CIMAP3: variants seen among roughly 807,000 people sequenced by gnomAD.
CIMAP3 encodes the protein ciliary microtubule-associated protein 3.
the CIMAP3 span, among the ~76,000 whole-genome samples, chr1:111,342,435 CA>C: frequency 6.6e-6 from 1 of 152,146 alleles, no homozygotes; most frequent in African/African-American, 2.4e-5. Context: ...GCCTTGGAGC[CA>C]AAAGTGGAAC....
the CIMAP3 span, among the ~76,000 whole-genome samples, chr1:111,327,967 T>A: frequency 6.6e-6 from 1 of 152,312 alleles, no homozygotes; most frequent in African/African-American, 2.4e-5. Context: ...CTTTCTAATG[T>A]TCTGATGTGG....
At chr1:111,339,718 C>G in the CIMAP3 span, among the ~76,000 whole-genome samples, 2 of 151,596 alleles carry the variant, frequency 1.3e-5, no homozygotes, top group Non-Finnish European at 2.9e-5. Flanking sequence ...ATACAAACAA[C>G]TGGAAGAACA....
At chr1:111,336,789 G>C in the CIMAP3 span, among the ~76,000 whole-genome samples, 2 of 152,170 alleles carry the variant, frequency 1.3e-5, no homozygotes, top group Non-Finnish European at 2.9e-5. Context: ...TATTATCCAG[G>C]AGAACTTCCC....
At chr1:111,348,885 T>G in the CIMAP3 span, 7 of 342,462 alleles carry the variant, frequency 2.0e-5, no homozygotes, top group Non-Finnish European at 3.2e-5. Flanking sequence ...GTTCGATAGA[T>G]TTTTGCACTA....
the CIMAP3 span, among the ~76,000 whole-genome samples, chr1:111,340,755 G>A: frequency 2.0e-5 from 3 of 152,154 alleles, no homozygotes; most frequent in African/African-American, 7.2e-5. Context: ...TTACACTGTT[G>A]GTGGGACTGT....
chr1:111,341,525 T>C, the CIMAP3 span, among the ~76,000 whole-genome samples: 1 of 152,180 alleles, frequency 6.6e-6, no homozygotes. Context: ...GTGGCCTGTG[T>C]GAACTTCGCA....
At chr1:111,333,826 A>G in the CIMAP3 span, among the ~76,000 whole-genome samples, 1 of 152,224 alleles carries the variant, frequency 6.6e-6, no homozygotes, top group African/African-American at 2.4e-5. Flanking sequence ...GGGGAGTGTC[A>G]GAAATAAATG....
At chr1:111,351,383 G>T in the CIMAP3 span, 1 of 1,381,674 alleles carries the variant, frequency 7.2e-7, no homozygotes, top group Non-Finnish European at 9.8e-7. Context: ...CAGGACTGAG[G>T]ACAGAGCTGC....
chr1:111,331,930 G>A, the CIMAP3 span, among the ~76,000 whole-genome samples: 1,220 of 152,302 alleles, frequency 8.0e-3, 16 homozygotes, highest in African/African-American at 0.027. Flanking sequence ...TCTAGGTGGA[G>A]TAGTAGTGTG....
At chr1:111,328,338 G>C in the CIMAP3 span, among the ~76,000 whole-genome samples, 1 of 152,300 alleles carries the variant, frequency 6.6e-6, no homozygotes, top group Non-Finnish European at 1.5e-5. Flanking sequence ...TTTTTAGATA[G>C]AGAGTTCTGT....
At chr1:111,347,153 C>A in the CIMAP3 span, 14 of 1,305,916 alleles carry the variant, frequency 1.1e-5, no homozygotes, top group East Asian at 3.4e-4. Flanking sequence ...GACTTGAGAT[C>A]TCCAGAGTCC....
At chr1:111,337,377 G>T in the CIMAP3 span, among the ~76,000 whole-genome samples, 6 of 152,070 alleles carry the variant, frequency 3.9e-5, no homozygotes, top group African/African-American at 1.2e-4. Context: ...TGGACTAAAT[G>T]CTCCAATTAA....
chr1:111,335,231 G>A, the CIMAP3 span, among the ~76,000 whole-genome samples: 2 of 150,840 alleles, frequency 1.3e-5, no homozygotes, highest in African/African-American at 2.4e-5. Flanking sequence ...CAAGATGGCC[G>A]AATAGAAACA....
At chr1:111,326,127 G>T in the CIMAP3 span, among the ~76,000 whole-genome samples, 26 of 152,106 alleles carry the variant, frequency 1.7e-4, no homozygotes, top group Non-Finnish European at 3.4e-4. Flanking sequence ...CCAGTACTTT[G>T]AGTATTTGTC....
the CIMAP3 span, among the ~76,000 whole-genome samples, chr1:111,341,208 G>C: frequency 1.3e-5 from 2 of 150,284 alleles, no homozygotes; most frequent in Admixed American, 1.3e-4. Context: ...GGACTGTTGT[G>C]GGGTGGGGGG....
chr1:111,337,840 G>A, the CIMAP3 span, among the ~76,000 whole-genome samples: 2 of 151,956 alleles, frequency 1.3e-5, no homozygotes, highest in Non-Finnish European at 2.9e-5. Context: ...TCTGCACCAA[G>A]CTGACCTAAT....
chr1:111,331,481 G>T, the CIMAP3 span, among the ~76,000 whole-genome samples: 1 of 151,988 alleles, frequency 6.6e-6, no homozygotes, highest in African/African-American at 2.4e-5. Context: ...CCAGTCTGTT[G>T]TTGAATCTCT....
the CIMAP3 span, among the ~76,000 whole-genome samples, chr1:111,337,604 G>A: frequency 7.9e-5 from 12 of 152,182 alleles, no homozygotes; most frequent in South Asian, 2.1e-4. Context: ...AAAGAAGGCC[G>A]TTACATAATG....
At chr1:111,327,376 G>A in the CIMAP3 span, among the ~76,000 whole-genome samples, 2 of 152,108 alleles carry the variant, frequency 1.3e-5, no homozygotes, top group African/African-American at 4.8e-5. Flanking sequence ...CATAGAATGG[G>A]TTGGGGAGGA....
Sources: allele counts gnomAD v4.1 joint callset (sites outside exome capture counted in the v4.1 genomes callset), GRCh38; gene constraint gnomAD v4.1.1; transcripts MANE v1.5; gene names NCBI Gene and HGNC (gene_info 2026-07-23, HGNC 2026-07-21).